The following MYO9B variants were observed in gnomAD, a reference collection of about 807,000 sequenced individuals.
MYO9B encodes the protein myosin IXB.
A neutral mutation model predicts 229.5 loss-of-function variants in MYO9B; 71 were observed. The observed-to-expected ratio is 0.31, with a 90% CI of 0.26 to 0.38. MYO9B has a LOEUF of 0.38. Ranked by LOEUF, MYO9B falls within the 10% of genes least tolerant of loss-of-function variation. The pLI is 1.00. For missense variants in MYO9B, 2,255 were observed against 2,920.5 expected (o/e 0.77, Z 5.25); for synonymous variants, 1,185 against 1,235.8 (o/e 0.96, Z 0.86).
chr19:17,198,061 T>G, intron 23 of MYO9B, 123 bp from the exon 24 acceptor site: 1 of 1,385,900 alleles, frequency 7.2e-7, no homozygotes, highest in Non-Finnish European at 9.7e-7. Context: ...AGACTCCGTT[T>G]CAAAAAAAAA....
chr19:17,115,467 GC>G (rs1475494942), intron 2 of MYO9B, among the ~76,000 whole-genome samples: 2 of 135,888 alleles, frequency 1.5e-5, no homozygotes, highest in Non-Finnish European at 3.2e-5. Context: ...TTTCACAGAT[GC>G]CTTTTTTTTT....
chr19:17,110,179 C>G (rs2057833847), intron 2 of MYO9B, among the ~76,000 whole-genome samples: 1 of 152,172 alleles, frequency 6.6e-6, no homozygotes, highest in African/African-American at 2.4e-5. Flanking sequence ...CACCCCCTGA[C>G]CCCCGCCCCC....
chr19:17,183,880 A>AC lies in MYO9B; in HGVS notation c.2373+12_2373+13insC. On this transcript the variant is annotated intron_variant, in intron 16 of 39. Coordinates refer to ENST00000682292, the MANE Select transcript of MYO9B (RefSeq NM_004145.4). ...AGATCATTCCAAAGGTAAAAAAAAA[A>AC]ACACACCCCGCGCGACACGTTCCAA... 1 of 1,564,572 alleles carries AC rather than the reference A, an allele frequency of 6.4e-7. No individual in the cohort carries two copies.
intron 32 of MYO9B, 23 bp from the exon 33 acceptor site, chr19:17,206,225 G>GCGC: frequency 6.4e-7 from 1 of 1,564,662 alleles, no homozygotes; most frequent in Non-Finnish European, 8.7e-7. Context: ...CCGCTCACCA[G>GCGC]ACCCACCCCA....
Position 17,168,041 on chromosome 19 carries a change from C to T in MYO9B, c.1770C>T (p.Phe590=). 1 of 1,612,790 alleles carries T rather than the reference C, an allele frequency of 6.2e-7. No individual in the cohort carries two copies. ...TCAGCAAGAAACCCACGGGCCTCTTCTACCTGCTGGACGAGGAGAGCAAGT... is the reference window on the plus strand; with the variant it reads ...TCAGCAAGAAACCCACGGGCCTCTTTTACCTGCTGGACGAGGAGAGCAAGT... ...HLISKKPTGL[F]YLLDEESNFP... Residue 590 remains phenylalanine, a synonymous_variant, in exon 11 of 40, where the codon TTC becomes TTT. Coordinates refer to ENST00000682292, the MANE Select transcript of MYO9B (RefSeq NM_004145.4).
chr19:17,206,446 C>T, intron 33 of MYO9B, 70 bp downstream of exon 33: 1 of 1,560,068 alleles, frequency 6.4e-7, no homozygotes, highest in Non-Finnish European at 8.6e-7. Context: ...TGTGACCAGC[C>T]CAGGAGGCAG....
At chr19:17,076,486 C>T (rs1391722395) in intron 1 of MYO9B, among the ~76,000 whole-genome samples, 2 of 151,998 alleles carry the variant, frequency 1.3e-5, no homozygotes, top group African/African-American at 4.8e-5. Context: ...TGAGGGTAGG[C>T]TTAGGGAGGG....
At chr19:17,171,239 G>A (rs962506870) in intron 11 of MYO9B, among the ~76,000 whole-genome samples, 9 of 152,134 alleles carry the variant, frequency 5.9e-5, no homozygotes, top group Non-Finnish European at 1.2e-4. Context: ...AAGTGGGGCC[G>A]GGCTCAGGCA....
At position 17,172,743 on chromosome 19, in the gene MYO9B, A is replaced by G. The variant is rs1328246863; in HGVS notation, c.1936-16A>G. 1 of 1,612,958 alleles carries G rather than the reference A, an allele frequency of 6.2e-7. No homozygotes were observed. The highest frequency in any genetic ancestry group is 1.1e-5 in the South Asian group (1 of 91,076). On this transcript the variant is annotated splice_polypyrimidine_tract_variant and intron_variant, in intron 12 of 39. Coordinates refer to ENST00000682292, the MANE Select transcript of MYO9B (RefSeq NM_004145.4). The surrounding 1 kb of genome is among the most constrained non-coding windows in gnomAD (Gnocchi z 8.2). Reference sequence around the variant, plus strand: ...TGACTATCCCCGAGTGACCGCCCACATCCATCCCCCACCAGGACTTCCGGG... The same window carrying G: ...TGACTATCCCCGAGTGACCGCCCACGTCCATCCCCCACCAGGACTTCCGGG...
chr19:17,148,788 T>C (rs2072444723), intron 3 of MYO9B, among the ~76,000 whole-genome samples: 1 of 152,160 alleles, frequency 6.6e-6, no homozygotes, highest in Admixed American at 6.6e-5. Flanking sequence ...CTCACTGTGT[T>C]GGCCAGGTTG....
chr19:17,165,303 A>G (rs1007672080), intron 10 of MYO9B, among the ~76,000 whole-genome samples: 2 of 151,864 alleles, frequency 1.3e-5, no homozygotes, highest in African/African-American at 4.8e-5. Context: ...CGAGGCTGCA[A>G]TGAGCTACAG....
chr19:17,205,331 A>C lies in MYO9B; in HGVS notation c.5059A>C (p.Arg1687=). ...GAGCCACTGCTCCTACACCTACGGGAGGAAGGTGAGTGTACGAGGCCTGGA... is the reference window on the plus strand; with the variant it reads ...GAGCCACTGCTCCTACACCTACGGGCGGAAGGTGAGTGTACGAGGCCTGGA... ...IQSHCSYTYG[R]KGEPGVEPGH... is the part of the protein sequence containing the mutation. The change falls in exon 31 of 40, where the codon AGG becomes CGG. Residue 1687 remains arginine, a synonymous_variant. Transcript: ENST00000682292. 1 of 1,613,518 alleles carries C rather than the reference A, an allele frequency of 6.2e-7. No individual in the cohort carries two copies. The highest frequency in any genetic ancestry group is 1.3e-5 in the African/African-American group (1 of 75,020).
chr19:17,128,537 C>T lies in MYO9B; in HGVS notation c.841-16860C>T, dbSNP rs568447486. On this transcript the variant is annotated intron_variant, in intron 2 of 39. Transcript: ENST00000682292. The stretch of plus-strand genomic sequence containing the variant: ...GAGCAGAACCCCCCGGTCCCTCAGG[C>T]GTCCTGGGACAGGGCACTGCCCATA... Among the ~76,000 whole-genome samples the T allele has an allele frequency of 1.8e-3, 273 of 152,368 alleles. 1 individual carries two copies. The highest frequency in any genetic ancestry group is 6.3e-3 in the African/African-American group (261 of 41,590).
chr19:17,132,191 T>C (rs1411153300), intron 2 of MYO9B, among the ~76,000 whole-genome samples: 1 of 134,966 alleles, frequency 7.4e-6, no homozygotes, highest in Non-Finnish European at 1.6e-5. Flanking sequence ...TTTTTTTTTT[T>C]TTTTTTTTTT....
chr19:17,103,234 T>G (rs909010943), intron 2 of MYO9B: 2 of 151,990 alleles, frequency 1.3e-5, no homozygotes, highest in African/African-American at 4.8e-5. Context: ...AGTGGAGGTT[T>G]TCTGATTGTT....
intron 3 of MYO9B, among the ~76,000 whole-genome samples, chr19:17,150,571 C>CCTGGTGGCTCACGCCTCTAA (rs1568274834): frequency 1.5e-4 from 21 of 142,992 alleles, no homozygotes; most frequent in South Asian, 2.2e-4. Flanking sequence ...CCCCAGTGAG[C>CCTGGTGGCTCACGCCTCTAA]TCACATGTCT....
chr19:17,164,095 T>C (rs2072633840), intron 10 of MYO9B, among the ~76,000 whole-genome samples: 2 of 152,176 alleles, frequency 1.3e-5, no homozygotes, highest in African/African-American at 4.8e-5. Flanking sequence ...TATAAGGAAA[T>C]ATCATGTTGT....
intron 8 of MYO9B, among the ~76,000 whole-genome samples, chr19:17,160,510 C>CTTTTTTTTT (rs34857957): frequency 4.7e-5 from 6 of 128,172 alleles, no homozygotes; most frequent in Non-Finnish European, 9.6e-5. Context: ...TCTTTTTTTT[C>CTTTTTTTTT]TTTTTTTTTT....
chr19:17,100,030 G>C (rs902438213), intron 1 of MYO9B, among the ~76,000 whole-genome samples: 6 of 150,430 alleles, frequency 4.0e-5, no homozygotes, highest in African/African-American at 1.5e-4. Context: ...GCTGAGACAG[G>C]AGAATCGCTT....
Sources: allele counts gnomAD v4.1 joint callset (sites outside exome capture counted in the v4.1 genomes callset), GRCh38; gene constraint gnomAD v4.1.1; non-coding constraint Gnocchi (gnomAD v3.1); transcripts MANE v1.5; gene names NCBI Gene and HGNC (gene_info 2026-07-23, HGNC 2026-07-21).